ABCC8: variants seen among roughly 807,000 people sequenced by gnomAD.
ABCC8 encodes ATP binding cassette subfamily C member 8, also known as ATP-binding cassette sub-family C member 8.
ABCC8 carries 137 observed loss-of-function variants against 188.0 expected under a neutral mutation model. That is an observed-to-expected ratio of 0.73 (90% CI 0.63 to 0.84). The LOEUF (loss-of-function observed/expected upper bound fraction) is 0.84. ABCC8 is among the 40% of genes least tolerant of loss of function. The pLI, the probability that ABCC8 is intolerant of heterozygous loss-of-function variation, is 0.00. For missense variants in ABCC8, 1,750 were observed against 2,072.7 expected, an observed-to-expected ratio of 0.84 and a Z score of 3.02; for synonymous variants, 797 against 846.5, an observed-to-expected ratio of 0.94 and a Z score of 1.01.
intron 24 of ABCC8, 93 bp downstream of exon 24, chr11:17,407,261 C>T: frequency 6.2e-7 from 1 of 1,611,062 alleles, no homozygotes; most frequent in African/African-American, 1.3e-5. Flanking sequence ...CAAAGGCACA[C>T]TACTGCACCA....
chr11:17,443,353 G>A, intron 8 of ABCC8, 41 bp from the exon 9 acceptor site: 1 of 1,613,560 alleles, frequency 6.2e-7, no homozygotes, highest in Non-Finnish European at 8.5e-7. Flanking sequence ...TGACCTGATG[G>A]TTGCCCTGCC....
chr11:17,413,685 C>A (rs1389850704), intron 19 of ABCC8: 1 of 968,670 alleles, frequency 1.0e-6, no homozygotes, highest in Non-Finnish European at 1.5e-6. Flanking sequence ...AGGTTAAATA[C>A]TAGAAGGATG....
chr11:17,461,705 T>C lies in ABCC8; in HGVS notation c.700A>G (p.Asn234Asp). 6.2e-7 allele frequency: 1 copy of C among 1,614,192 alleles called. No individual in the cohort carries two copies. Residue 234 changes from asparagine to aspartate, a missense_variant, in exon 5 of 39, where the codon AAC (asparagine) becomes GAC (aspartate). Asn to Asp is a conservative substitution (Grantham distance 23). Transcript: ENST00000389817. ...LLSKGTYWWM[N>D]AFIKTAHKKP... ...TTGTGGGCAGTCTTGATGAAGGCGT[T>C]CATCCACCAGTAGGTGCCTTTGGAC...
intron 8 of ABCC8, among the ~76,000 whole-genome samples, chr11:17,446,631 C>T (rs1956540634): frequency 6.6e-6 from 1 of 152,106 alleles, no homozygotes; most frequent in African/African-American, 2.4e-5. Context: ...GATGAGATCT[C>T]CAGGCCCTTT....
chr11:17,395,131 G>A (rs1199375498), intron 36 of ABCC8, 41 bp downstream of exon 36: 1 of 1,552,550 alleles, frequency 6.4e-7, no homozygotes, highest in Non-Finnish European at 8.7e-7. Context: ...CAGGGTCCTT[G>A]AGTGCCCAAC....
At chr11:17,471,311 G>T (rs1848466951) in intron 2 of ABCC8, among the ~76,000 whole-genome samples, 1 of 152,200 alleles carries the variant, frequency 6.6e-6, no homozygotes, top group Non-Finnish European at 1.5e-5. Context: ...GGCAACCAAG[G>T]ACAGCTTCCC....
At chr11:17,434,984 C>CGTGTGTGTGTGTGTGTGTGTGTGTGT (rs57580521) in intron 10 of ABCC8, among the ~76,000 whole-genome samples, 5 of 144,650 alleles carry the variant, frequency 3.5e-5, no homozygotes, top group African/African-American at 1.1e-4. Flanking sequence ...CGTGTGTTCG[C>CGTGTGTGTGTGTGTGTGTGTGTGTGT]GTGTGTGTGT....
At position 17,427,069 on chromosome 11, in the gene ABCC8, T is replaced by C. The variant is rs764654899; in HGVS notation, c.2202A>G (p.Ser734=). The C allele has an allele frequency of 6.2e-7, 1 of 1,613,968 alleles. No homozygotes were observed. The highest frequency in any genetic ancestry group is 1.1e-5 in the South Asian group (1 of 91,064). Residue 734 remains serine, a synonymous_variant, in exon 16 of 39, where the codon TCA becomes TCG. Coordinates refer to ENST00000389817, the MANE Select transcript of ABCC8 (RefSeq NM_000352.6). The surrounding 1 kb of genome is among the most constrained non-coding windows in gnomAD (Gnocchi z 5.0). ...ATTACCTGCTCCAGAAGACAGCCCC[T>C]GAGACCTTCTGCATCTCCCCCAGTG... ...LAALGEMQKV[S]GAVFWSSLPD... is the part of the protein sequence containing the mutation.
Position 17,395,933 on chromosome 11 carries a change from GGAAA to G in ABCC8, c.4120-7_4120-4del. The G allele has an allele frequency of 1.3e-6, 2 of 1,575,674 alleles. No individual in the cohort carries two copies. The highest frequency in any genetic ancestry group is 1.7e-6 in the Non-Finnish European group (2 of 1,158,616). Reference sequence around the variant, plus strand: ...CCGGTGCGGCCGCAGATCCCGATCTGGAAAGAGAGAAGCAGGCACCGCCACTGGG... The same window carrying G: ...CCGGTGCGGCCGCAGATCCCGATCTGGAGAGAAGCAGGCACCGCCACTGGG... On this transcript the variant is annotated splice_polypyrimidine_tract_variant and splice_region_variant and intron_variant, in intron 33 of 38. Transcript: ENST00000389817.
chr11:17,410,903 G>A (rs1315984918), intron 21 of ABCC8, among the ~76,000 whole-genome samples: 1 of 152,080 alleles, frequency 6.6e-6, no homozygotes, highest in Non-Finnish European at 1.5e-5. Flanking sequence ...GACCTTCAAC[G>A]GCTCCCCATC....
intron 10 of ABCC8, among the ~76,000 whole-genome samples, chr11:17,434,374 A>T (rs184492711): frequency 6.6e-6 from 1 of 152,254 alleles, no homozygotes; most frequent in African/African-American, 2.4e-5. Flanking sequence ...AGAGCCACAC[A>T]GAAGTTCAGA....
Position 17,427,876 on chromosome 11 carries a change from T to G in ABCC8, c.2107A>C (p.Ile703Leu). Residue 703 changes from isoleucine to leucine, a missense_variant, in exon 15 of 39, where the codon ATC becomes CTC. Ile to Leu is a conservative substitution (Grantham distance 5, BLOSUM62 2). Coordinates refer to ENST00000389817, the MANE Select transcript of ABCC8 (RefSeq NM_000352.6). The surrounding 1 kb of genome is among the most constrained non-coding windows in gnomAD (Gnocchi z 5.0). ...IPTLSNITIR[I>L]PRGQLTMIVG... ...GTGGACTGGGCCATACCTCGGGGGA[T>G]ACGAATGGTGATGTTGGACAGTGTG... is the stretch of plus-strand genomic sequence containing the variant. 1 of 1,614,082 alleles carries G rather than the reference T, an allele frequency of 6.2e-7. No homozygotes were observed.
chr11:17,470,048 T>C lies in ABCC8; in HGVS notation c.412+53A>G. On this transcript the variant is annotated intron_variant, in intron 3 of 38. Coordinates refer to ENST00000389817, the MANE Select transcript of ABCC8 (RefSeq NM_000352.6). ...GCACATAATGAGTCCTCAGTAAACA[T>C]TATCTGAAGAAATGAATGAAGGTAC... 1.9e-6 allele frequency: 3 copies of C among 1,600,824 alleles called. No individual in the cohort carries two copies. The South Asian group carries it at 3.3e-5, about 18-fold the overall frequency.
At chr11:17,469,717 A>C (rs576151200) in intron 3 of ABCC8, among the ~76,000 whole-genome samples, 2 of 152,138 alleles carry the variant, frequency 1.3e-5, no homozygotes, top group East Asian at 3.9e-4. Flanking sequence ...ATCTTTGCCA[A>C]ATCTATCCCT....
chr11:17,415,819 A>T (rs1955046046), intron 17 of ABCC8, among the ~76,000 whole-genome samples: 2 of 152,206 alleles, frequency 1.3e-5, no homozygotes, highest in Admixed American at 6.5e-5. Context: ...GGGAACCCGC[A>T]GCCCTGGAGC....
rs1954863343 is a variant in ABCC8 at position 17,412,551 on chromosome 11, T to G, written c.2556+115A>C. 5.0e-6 allele frequency: 7 copies of G among 1,392,274 alleles called. 1 individual carries two copies. In the South Asian group the frequency reaches 6.2e-5, roughly 12 times the overall value. 86.2% of individuals were successfully genotyped at this position (1,392,274 alleles called of 1,614,324 possible). A position where few individuals can be genotyped will look rare whatever the true frequency, so the allele number is the denominator to read the frequency against. On this transcript the variant is annotated intron_variant, in intron 21 of 38. Transcript: ENST00000389817. ...AAGGCAATATCTCTGGCAGGAGGGA[T>G]TTACTCCTGGAGAGGGAGATTGTTG...
intron 8 of ABCC8, among the ~76,000 whole-genome samples, chr11:17,444,740 G>A (rs920884261): frequency 1.3e-5 from 2 of 152,220 alleles, no homozygotes; most frequent in Non-Finnish European, 1.5e-5. Context: ...ATAGTGGGGA[G>A]GACATAGTCT....
At chr11:17,443,387 T>A in intron 8 of ABCC8, 75 bp from the exon 9 acceptor site, 1 of 1,609,752 alleles carries the variant, frequency 6.2e-7, no homozygotes. Context: ...AAAATCCCTG[T>A]TTCCCCAGTC....
chr11:17,438,931 G>A (rs1224042713), intron 10 of ABCC8, among the ~76,000 whole-genome samples: 1 of 152,230 alleles, frequency 6.6e-6, no homozygotes, highest in Non-Finnish European at 1.5e-5. Flanking sequence ...TGAGGATGAA[G>A]TGCAATCACG....
Sources: allele counts gnomAD v4.1 joint callset (sites outside exome capture counted in the v4.1 genomes callset), GRCh38; gene constraint gnomAD v4.1.1; non-coding constraint Gnocchi (gnomAD v3.1); transcripts MANE v1.5; gene names NCBI Gene and HGNC (gene_info 2026-07-23, HGNC 2026-07-21).